The following RAD51B variants were observed in gnomAD, a reference collection of about 807,000 sequenced individuals.
RAD51B encodes DNA repair protein RAD51 homolog 2.
A neutral mutation model predicts 42.2 loss-of-function variants in RAD51B; 38 were observed. The observed-to-expected ratio is 0.90, with a 90% confidence interval of 0.70 to 1.18. The LOEUF is 1.18. Ranked by LOEUF, RAD51B falls within the 50% of genes most tolerant of loss-of-function variation. The pLI is 0.00. For synonymous variants in RAD51B, 154 were observed against 145.2 expected (o/e 1.06, Z -0.43); for missense variants, 373 against 400.7 (o/e 0.93, Z 0.59).
intron 7 of RAD51B, among the ~76,000 whole-genome samples, chr14:67,954,166 T>A (rs1014798613): frequency 6.6e-6 from 1 of 152,188 alleles, no homozygotes; most frequent in Non-Finnish European, 1.5e-5. Flanking sequence ...TTGTTCTTTC[T>A]ATTGAATCAT....
chr14:68,169,381 T>C (rs2078820981), intron 7 of RAD51B, among the ~76,000 whole-genome samples: 1 of 152,158 alleles, frequency 6.6e-6, no homozygotes, highest in Admixed American at 6.5e-5. Flanking sequence ...TTATCTACTC[T>C]TAGTCTTCTT....
intron 8 of RAD51B, among the ~76,000 whole-genome samples, chr14:68,305,271 G>A (rs1443083624): frequency 3.9e-5 from 6 of 152,274 alleles, no homozygotes; most frequent in East Asian, 3.9e-4. Flanking sequence ...TCATTTACAC[G>A]TTAAGTATGA....
chr14:68,299,025 T>C (rs2081667411), intron 8 of RAD51B, among the ~76,000 whole-genome samples: 1 of 152,008 alleles, frequency 6.6e-6, no homozygotes, highest in African/African-American at 2.4e-5. Flanking sequence ...TAGTTTCTGA[T>C]ATCTATCCCT....
At chr14:68,343,566 C>G (rs2082613189) in intron 8 of RAD51B, among the ~76,000 whole-genome samples, 1 of 152,180 alleles carries the variant, frequency 6.6e-6, no homozygotes, top group African/African-American at 2.4e-5. Flanking sequence ...GCTATGTGGC[C>G]AGAGAAATAA....
chr14:68,669,850 G>GGA (rs1426635306), intron 11 of RAD51B, among the ~76,000 whole-genome samples: 2 of 152,210 alleles, frequency 1.3e-5, no homozygotes, highest in African/African-American at 4.8e-5. Context: ...GGTCACTGTG[G>GGA]GAGATGAGAC....
chr14:68,429,315 T>C (rs1177456010), intron 9 of RAD51B, among the ~76,000 whole-genome samples: 1 of 152,142 alleles, frequency 6.6e-6, no homozygotes, highest in East Asian at 1.9e-4. Flanking sequence ...TTCTAGATCC[T>C]TGAGGAATCG....
rs576647159 is a variant in RAD51B, at chr14:68,301,742, A to G, written c.853+9762A>G. Among the ~76,000 whole-genome samples the G allele has an allele frequency of 8.5e-5, 13 of 152,068 alleles. No homozygotes were observed. In the South Asian group the frequency reaches 2.7e-3, roughly 32 times the overall value. ...CTCCTGAGTAGCTGGGATTACAGGC[A>G]TGCACCACCACGCCTGGCTAATTTT... On this transcript the variant is annotated intron_variant, in intron 8 of 10. Transcript: ENST00000471583.
intron 10 of RAD51B, among the ~76,000 whole-genome samples, chr14:68,535,410 G>A (rs959723747): frequency 3.7e-4 from 41 of 111,226 alleles, no homozygotes; most frequent in African/African-American, 1.4e-3. Flanking sequence ...CCCACATATT[G>A]CCCTTCTTCA....
chr14:67,989,635 CAA>C (rs764608072), intron 7 of RAD51B, among the ~76,000 whole-genome samples: 83 of 66,892 alleles, frequency 1.2e-3, no homozygotes, highest in African/African-American at 4.3e-3. Flanking sequence ...AACTCTGTCT[CAA>C]AAAAAAAAAA....
chr14:67,847,521 C>T (rs986363910), intron 4 of RAD51B, among the ~76,000 whole-genome samples: 5 of 151,942 alleles, frequency 3.3e-5, no homozygotes, highest in Non-Finnish European at 5.9e-5. Context: ...TGACTTCCGC[C>T]TTAATTTCTT....
At chr14:67,924,332 T>A (rs1478875362) in intron 7 of RAD51B, among the ~76,000 whole-genome samples, 1 of 152,192 alleles carries the variant, frequency 6.6e-6, no homozygotes, top group Non-Finnish European at 1.5e-5. Flanking sequence ...GGTTTTCCAA[T>A]GTTATCTGCT....
At chr14:67,873,337 A>G (rs948486297) in intron 5 of RAD51B, among the ~76,000 whole-genome samples, 3 of 152,240 alleles carry the variant, frequency 2.0e-5, no homozygotes, top group African/African-American at 7.2e-5. Flanking sequence ...ACATGAAAAA[A>G]TGCTCACCAT....
At chr14:68,405,957 G>A (rs2084262203) in intron 8 of RAD51B, among the ~76,000 whole-genome samples, 1 of 151,758 alleles carries the variant, frequency 6.6e-6, no homozygotes, top group Non-Finnish European at 1.5e-5. Flanking sequence ...AGGCATCTAA[G>A]CAACTAATTT....
At chr14:67,980,998 A>G (rs1188337257) in intron 7 of RAD51B, among the ~76,000 whole-genome samples, 1 of 152,132 alleles carries the variant, frequency 6.6e-6, no homozygotes, top group African/African-American at 2.4e-5. Flanking sequence ...CTTATATTCA[A>G]AATATATAAG....
chr14:67,947,987 A>G (rs1297250354), intron 7 of RAD51B, among the ~76,000 whole-genome samples: 2 of 152,230 alleles, frequency 1.3e-5, no homozygotes, highest in African/African-American at 2.4e-5. Context: ...GATGTTTTTC[A>G]GAAATGAATG....
At chr14:68,339,667 CA>C (rs572593345) in intron 8 of RAD51B, 40 of 199,220 alleles carry the variant, frequency 2.0e-4, no homozygotes, top group African/African-American at 8.6e-4. Flanking sequence ...TTTCATATAT[CA>C]GGGGTGATTT....
chr14:67,891,422 A>AT (rs1225600933), intron 7 of RAD51B, among the ~76,000 whole-genome samples: 1 of 152,152 alleles, frequency 6.6e-6, no homozygotes, highest in African/African-American at 2.4e-5. Flanking sequence ...TTTTTGGAAT[A>AT]TTAGTGATTA....
chr14:67,894,672 G>T (rs1158944639), intron 7 of RAD51B, among the ~76,000 whole-genome samples: 1 of 152,152 alleles, frequency 6.6e-6, no homozygotes. Flanking sequence ...TCCTTTGTTT[G>T]GGACTATAGA....
chr14:68,324,243 G>T (rs912209870), intron 8 of RAD51B, among the ~76,000 whole-genome samples: 26 of 152,250 alleles, frequency 1.7e-4, no homozygotes, highest in African/African-American at 5.5e-4. Context: ...GACCATTTGA[G>T]CCCAAGTAGA....
Sources: allele counts gnomAD v4.1 joint callset (sites outside exome capture counted in the v4.1 genomes callset), GRCh38; gene constraint gnomAD v4.1.1; transcripts MANE v1.5; gene names NCBI Gene and HGNC (gene_info 2026-07-23, HGNC 2026-07-21).